The following PSD3 variants were observed in gnomAD, a reference collection of about 807,000 sequenced individuals.
PSD3 encodes the protein pleckstrin and Sec7 domain containing 3.
Under a neutral mutation model 105.5 loss-of-function variants are expected in PSD3, and 49 were observed. That is an observed-to-expected ratio of 0.46 (90% CI 0.37 to 0.59). The LOEUF is 0.59. Among genes scored for constraint, PSD3 ranks in the 20% least tolerant of loss-of-function variants. The probability of loss-of-function intolerance (pLI) is 0.00; values close to 1 mark genes in which losing one functional copy is unlikely to be tolerated. For missense variants in PSD3, 1,561 were observed against 1,263.8 expected (o/e 1.24, Z -3.57); for synonymous variants, 557 against 457.8 (o/e 1.22, Z -2.77).
At position 19,058,476 on chromosome 8, in the gene PSD3, G is replaced by A. The variant is rs1161361069; in HGVS notation, c.324+25730C>T. Among the ~76,000 whole-genome samples, 5 of 147,690 alleles carry A rather than the reference G, an allele frequency of 3.4e-5. No individual in the cohort carries two copies. In the South Asian group the frequency reaches 8.4e-4, roughly 25 times the overall value. ...ATATATAATAGCATATACAATATAA[G>A]TATATAAAATTTATATATAATTTAT... is the stretch of plus-strand genomic sequence containing the variant. On this transcript the variant is annotated intron_variant, in intron 1 of 1. Transcript: ENST00000521475.
At chr8:18,944,503 G>A (rs1286381581) in intron 1 of PSD3, among the ~76,000 whole-genome samples, 1 of 151,936 alleles carries the variant, frequency 6.6e-6, no homozygotes, top group Admixed American at 6.6e-5. Flanking sequence ...CCCAGGAGGT[G>A]GAGGCTGCAG....
At chr8:18,957,436 C>A (rs969565854) in intron 1 of PSD3, among the ~76,000 whole-genome samples, 1 of 152,024 alleles carries the variant, frequency 6.6e-6, no homozygotes, top group East Asian at 1.9e-4. Context: ...TGAGCAATGA[C>A]TTCAACTCAG....
intron 1 of PSD3, among the ~76,000 whole-genome samples, chr8:18,984,037 T>A (rs1228344279): frequency 6.7e-6 from 1 of 148,664 alleles, no homozygotes; most frequent in Admixed American, 6.7e-5. Context: ...AAATCACTGA[T>A]CGCAGATCAT....
intron 2 of PSD3, among the ~76,000 whole-genome samples, chr8:18,885,376 A>G (rs533120393): frequency 1.8e-4 from 28 of 152,350 alleles, no homozygotes; most frequent in African/African-American, 6.5e-4. Context: ...TTCTGCTAAA[A>G]TTAACACATA....
chr8:18,975,822 TA>T (rs200574693), intron 1 of PSD3, among the ~76,000 whole-genome samples: 21 of 151,094 alleles, frequency 1.4e-4, no homozygotes, highest in East Asian at 1.2e-3. Flanking sequence ...TGCTAACTCA[TA>T]AAAAAAAATA....
At chr8:18,961,634 C>T (rs757428938) in intron 1 of PSD3, among the ~76,000 whole-genome samples, 11 of 151,924 alleles carry the variant, frequency 7.2e-5, no homozygotes, top group Non-Finnish European at 1.3e-4. Flanking sequence ...GAGGTTGCAG[C>T]GAGCCGAGAT....
Position 18,872,332 on chromosome 8 carries a change from G to A in PSD3, c.532C>T (p.Arg178Cys), listed in dbSNP as rs542024957. 7.6e-5 allele frequency: 123 copies of A among 1,614,124 alleles called. No homozygotes were observed. Among genetic ancestry groups the A allele is most frequent in the Non-Finnish European group, 9.7e-5 (115 of 1,180,020 alleles). Residue 178 changes from arginine (R) to cysteine (C), a missense_variant, in exon 3 of 16, where the codon CGT becomes TGT. Physicochemically the swap from Arg to Cys is radical, Grantham distance 180 (BLOSUM62 -3). Transcript: ENST00000327040. ...GTTTTGTTGACTCTCTGTGTTTTAC[G>A]ACTGGCAGTGTCCAGCTCTTTTTCC... The part of the protein sequence containing the change: ...QVEKELDTAS[R>C]KTQRVNKTLP...
intron 1 of PSD3, among the ~76,000 whole-genome samples, chr8:18,947,368 T>C (rs1822932954): frequency 6.6e-6 from 1 of 152,224 alleles, no homozygotes; most frequent in South Asian, 2.1e-4. Flanking sequence ...TTGTTTTTAA[T>C]TGTGTGAGCA....
chr8:18,655,081 T>A (rs1808790376), intron 10 of PSD3, among the ~76,000 whole-genome samples: 1 of 151,916 alleles, frequency 6.6e-6, no homozygotes, highest in African/African-American at 2.4e-5. Context: ...CCCAGAACTT[T>A]GGGAGGCCGA....
In PSD3 at chr8:18,755,710, C is replaced by T. The variant is rs567275631; in HGVS notation, c.2172+9739G>A. Reference sequence around the variant, plus strand: ...TTAAAAATCTGTTTGTACTCTTAAGCAGCATCTGTTCTGTTAAAACATTGT... The same window carrying T: ...TTAAAAATCTGTTTGTACTCTTAAGTAGCATCTGTTCTGTTAAAACATTGT... On this transcript the variant is annotated intron_variant, in intron 9 of 15. Transcript: ENST00000327040. Among the ~76,000 whole-genome samples, 25 of 151,696 alleles carry T rather than the reference C, an allele frequency of 1.6e-4. No individual in the cohort carries two copies. The South Asian group carries it at 4.4e-3, about 27-fold the overall frequency.
rs573952522 is a variant in PSD3, at chr8:18,619,058, T to TA, written c.2410+13554dup. On this transcript the variant is annotated intron_variant, in intron 11 of 15. Transcript: ENST00000327040. Reference sequence around the variant, plus strand: ...TACTGCTTGAGCTCAAAGTGTTTTTTAAAAAATAAATCAATGATCTATCTT... The same window carrying TA: ...TACTGCTTGAGCTCAAAGTGTTTTTTAAAAAAATAAATCAATGATCTATCTT... Among the ~76,000 whole-genome samples, 18 of 152,188 alleles carry TA rather than the reference T, an allele frequency of 1.2e-4. No homozygotes were observed. The South Asian group carries it at 2.7e-3, about 23-fold the overall frequency.
At chr8:19,012,110 A>C (rs1469428417) in intron 1 of PSD3, among the ~76,000 whole-genome samples, 1 of 152,212 alleles carries the variant, frequency 6.6e-6, no homozygotes, top group Non-Finnish European at 1.5e-5. Flanking sequence ...TCAGTGGCAA[A>C]GCCTCTAAGC....
Position 18,582,786 on chromosome 8 carries a change from A to G in PSD3, c.2482-7501T>C, listed in dbSNP as rs189136567. On this transcript the variant is annotated intron_variant, in intron 12 of 15. Coordinates refer to ENST00000327040, the MANE Select transcript of PSD3 (RefSeq NM_015310.4). ...GTGTCTTTGATAGAACCTGTTTCCA[A>G]GTCATTCTCCAACCTGCAGCCACAC... Among the ~76,000 whole-genome samples the G allele has an allele frequency of 2.7e-3, 408 of 148,776 alleles. 4 individuals carry two copies. Among genetic ancestry groups the G allele is most frequent in the African/African-American group, 9.8e-3 (394 of 40,020 alleles).
At chr8:18,914,530 A>G (rs141944323) in intron 2 of PSD3, among the ~76,000 whole-genome samples, 129 of 152,358 alleles carry the variant, frequency 8.5e-4, no homozygotes, top group Middle Eastern at 3.4e-3. Context: ...AGGATACAAA[A>G]TCAGCATACA....
intron 2 of PSD3, among the ~76,000 whole-genome samples, chr8:18,935,429 G>A (rs1294990997): frequency 1.3e-5 from 2 of 151,206 alleles, no homozygotes; most frequent in Non-Finnish European, 2.9e-5. Context: ...TAAACTCAGT[G>A]TTTTGTGGGG....
chr8:18,564,107 T>C (rs976940142), intron 14 of PSD3, among the ~76,000 whole-genome samples: 1 of 120,144 alleles, frequency 8.3e-6, no homozygotes, highest in Non-Finnish European at 1.7e-5. Context: ...AAAGTTTTCT[T>C]CTTCTTTTTT....
At chr8:18,966,652 C>G (rs1824270147) in intron 1 of PSD3, among the ~76,000 whole-genome samples, 1 of 151,864 alleles carries the variant, frequency 6.6e-6, no homozygotes, top group African/African-American at 2.4e-5. Flanking sequence ...CAGTTATGCC[C>G]TACAACTGTT....
intron 1 of PSD3, among the ~76,000 whole-genome samples, chr8:18,951,267 T>C (rs976643888): frequency 6.6e-6 from 1 of 152,150 alleles, no homozygotes; most frequent in Admixed American, 6.5e-5. Flanking sequence ...TGGTGGCACA[T>C]GCCTGTAACC....
chr8:18,926,109 G>GT (rs1268676949), intron 2 of PSD3, among the ~76,000 whole-genome samples: 5 of 140,140 alleles, frequency 3.6e-5, no homozygotes, highest in African/African-American at 1.1e-4. Context: ...TTAATGGTAT[G>GT]TTGTTTTTTT....
Sources: allele counts gnomAD v4.1 joint callset (sites outside exome capture counted in the v4.1 genomes callset), GRCh38; gene constraint gnomAD v4.1.1; transcripts MANE v1.5; gene names NCBI Gene and HGNC (gene_info 2026-07-23, HGNC 2026-07-21).